The following GREB1L variants were observed in gnomAD, a reference collection of about 807,000 sequenced individuals.
The protein encoded by GREB1L is GREB1 like retinoic acid receptor coactivator, also known as GREB1-like protein.
Under a neutral mutation model 200.8 loss-of-function variants are expected in GREB1L, and 17 were observed. That is an observed-to-expected ratio of 0.08 (90% CI 0.06 to 0.13). The LOEUF is 0.13. Ranked by LOEUF, GREB1L falls within the 10% of genes least tolerant of loss-of-function variation. The pLI, the probability that GREB1L is intolerant of heterozygous loss-of-function variation, is 1.00. For synonymous variants in GREB1L, 789 were observed against 893.0 expected, an observed-to-expected ratio of 0.88 and a Z score of 2.08; for missense variants, 1,657 against 2,367.7, an observed-to-expected ratio of 0.70 and a Z score of 6.23.
At chr18:21,267,804 C>CTTT (rs769798986) in intron 1 of GREB1L, among the ~76,000 whole-genome samples, 1 of 133,870 alleles carries the variant, frequency 7.5e-6, no homozygotes. Context: ...CCACCCCAAG[C>CTTT]TTTTTTTTTT....
chr18:21,320,623 G>A (rs758687607), intron 1 of GREB1L, among the ~76,000 whole-genome samples: 45 of 152,108 alleles, frequency 3.0e-4, no homozygotes, highest in African/African-American at 7.7e-4. Context: ...AAAATTAGCC[G>A]GGCGTAGTGG....
At position 21,308,552 on chromosome 18, in the gene GREB1L, G is replaced by GGAGGGAT. The variant is rs1231890877; in HGVS notation, c.-119-57473_-119-57467dup. On this transcript the variant is annotated intron_variant, in intron 1 of 32. Transcript: ENST00000424526. ...CATAGGGAGCTGATTGGGAGAACGTGGAGGGATGGGCTTTGCCCTAATTCA... is the reference window on the plus strand; with the variant it reads ...CATAGGGAGCTGATTGGGAGAACGTGGAGGGATGAGGGATGGGCTTTGCCCTAATTCA... Among the ~76,000 whole-genome samples, 3 of 152,190 alleles carry GGAGGGAT rather than the reference G, an allele frequency of 2.0e-5. No homozygotes were observed. In the East Asian group the frequency reaches 5.8e-4, roughly 29 times the overall value.
intron 1 of GREB1L, among the ~76,000 whole-genome samples, chr18:21,252,247 C>A (rs1248287824): frequency 6.6e-6 from 1 of 152,046 alleles, no homozygotes; most frequent in Non-Finnish European, 1.5e-5. Flanking sequence ...AAAATCTGTG[C>A]AGAAACATTT....
chr18:21,485,217 A>G (rs2036081108), intron 17 of GREB1L, among the ~76,000 whole-genome samples: 1 of 152,222 alleles, frequency 6.6e-6, no homozygotes, highest in Admixed American at 6.5e-5. Context: ...AGAAAAGTTA[A>G]GGTTTCTGTA....
At chr18:21,432,106 G>A (rs992552559) in intron 7 of GREB1L, among the ~76,000 whole-genome samples, 2 of 151,574 alleles carry the variant, frequency 1.3e-5, no homozygotes, top group Admixed American at 6.6e-5. Context: ...TGTATTTTTA[G>A]TGGAGACAGG....
chr18:21,262,886 A>G (rs1232814803), intron 1 of GREB1L, among the ~76,000 whole-genome samples: 2 of 152,228 alleles, frequency 1.3e-5, no homozygotes, highest in Non-Finnish European at 2.9e-5. Context: ...CTAAAACTTC[A>G]TGCCATGCCT....
At chr18:21,328,493 G>A (rs1172278772) in intron 1 of GREB1L, among the ~76,000 whole-genome samples, 8 of 152,196 alleles carry the variant, frequency 5.3e-5, no homozygotes, top group Non-Finnish European at 7.4e-5. Context: ...GGAGTCCTGA[G>A]AAATTGTGTC....
chr18:21,380,174 T>A (rs951632875), intron 2 of GREB1L: 1 of 152,198 alleles, frequency 6.6e-6, no homozygotes, highest in African/African-American at 2.4e-5. Context: ...AATCATCGCA[T>A]ACTACGCACT....
At chr18:21,279,786 C>G (rs2038237481) in intron 1 of GREB1L, among the ~76,000 whole-genome samples, 2 of 152,310 alleles carry the variant, frequency 1.3e-5, no homozygotes, top group East Asian at 3.9e-4. Context: ...GCTGGGACTA[C>G]AGGTGCATGC....
At chr18:21,482,748 C>T (rs2035972101) in intron 17 of GREB1L, among the ~76,000 whole-genome samples, 1 of 148,174 alleles carries the variant, frequency 6.7e-6, no homozygotes, top group African/African-American at 2.5e-5. Flanking sequence ...GTAGTGAGAC[C>T]AAGGGCCAAC....
chr18:21,386,218 C>T (rs1253888275), intron 4 of GREB1L, among the ~76,000 whole-genome samples: 6 of 152,084 alleles, frequency 3.9e-5, no homozygotes, highest in East Asian at 1.9e-4. Context: ...ATTTTTTTCC[C>T]GTTTTAATTC....
chr18:21,270,057 TTC>T (rs953234048), intron 1 of GREB1L, among the ~76,000 whole-genome samples: 2 of 152,232 alleles, frequency 1.3e-5, no homozygotes, highest in African/African-American at 4.8e-5. Flanking sequence ...TAGTATACCC[TTC>T]CTGAGATAAT....
chr18:21,352,089 A>G (rs973481581), intron 1 of GREB1L, among the ~76,000 whole-genome samples: 2 of 151,696 alleles, frequency 1.3e-5, no homozygotes. Flanking sequence ...CTCGTGATCC[A>G]CCTGCCTCTG....
intron 20 of GREB1L, 73 bp downstream of exon 20, chr18:21,495,858 G>A: frequency 1.3e-6 from 1 of 775,696 alleles, no homozygotes; most frequent in Non-Finnish European, 2.1e-6. Context: ...TTGGCTGATG[G>A]CCCAGTCATT....
At chr18:21,419,409 T>C (rs144679031) in intron 7 of GREB1L, among the ~76,000 whole-genome samples, 1 of 152,336 alleles carries the variant, frequency 6.6e-6, no homozygotes, top group East Asian at 1.9e-4. Flanking sequence ...ATTGTATTTT[T>C]AGAAAGCCTA....
chr18:21,499,440 G>C (rs1417052443), intron 21 of GREB1L, among the ~76,000 whole-genome samples: 2 of 152,300 alleles, frequency 1.3e-5, no homozygotes, highest in African/African-American at 4.8e-5. Context: ...CTGAGCCGCA[G>C]CCCACAGTAG....
chr18:21,422,250 G>C (rs2032216938), intron 7 of GREB1L, among the ~76,000 whole-genome samples: 1 of 152,192 alleles, frequency 6.6e-6, no homozygotes, highest in South Asian at 2.1e-4. Context: ...TCTGAGCAAG[G>C]TGACAGGGGA....
At chr18:21,512,763 T>C (rs1386180293) in intron 27 of GREB1L, among the ~76,000 whole-genome samples, 1 of 152,124 alleles carries the variant, frequency 6.6e-6, no homozygotes, top group Non-Finnish European at 1.5e-5. Flanking sequence ...CTTTCAGTCT[T>C]TCACCATTGA....
At chr18:21,319,334 AC>A in intron 1 of GREB1L, among the ~76,000 whole-genome samples, 2 of 152,336 alleles carry the variant, frequency 1.3e-5, no homozygotes, top group Middle Eastern at 6.8e-3. Flanking sequence ...CTTTCGGTTA[AC>A]CAACCAATTG....
Sources: gnomAD v4.1 joint callset for allele counts (sites outside exome capture counted in the v4.1 genomes callset) on GRCh38, gnomAD v4.1.1 for gene constraint, MANE v1.5 for transcripts, NCBI Gene and HGNC (gene_info 2026-07-23, HGNC 2026-07-21) for gene names.